The following FSHR variants were observed in gnomAD, a reference collection of about 807,000 sequenced individuals.
The protein encoded by FSHR is follicle-stimulating hormone receptor.
Under a neutral mutation model 52.1 loss-of-function variants are expected in FSHR, and 46 were observed. That is an observed-to-expected ratio of 0.88 (90% CI 0.70 to 1.13). The LOEUF (loss-of-function observed/expected upper bound fraction) is 1.13, where lower values mean the gene tolerates loss of function less well. Ranked by LOEUF, FSHR falls within the 50% of genes most tolerant of loss-of-function variation. The probability of loss-of-function intolerance (pLI) is 0.00; values close to 1 mark genes in which losing one functional copy is unlikely to be tolerated. For synonymous variants in FSHR, 399 were observed against 309.6 expected (o/e 1.29, Z -3.03); for missense variants, 964 against 834.6 (o/e 1.16, Z -1.91).
chr2:49,090,100 T>C (rs777957269), intron 1 of FSHR, among the ~76,000 whole-genome samples: 1 of 151,724 alleles, frequency 6.6e-6, no homozygotes, highest in Non-Finnish European at 1.5e-5. Flanking sequence ...TTTTTTCTTT[T>C]TTAACTAACA....
chr2:49,077,491 T>C (rs1669991356), intron 1 of FSHR, among the ~76,000 whole-genome samples: 1 of 152,184 alleles, frequency 6.6e-6, no homozygotes, highest in Non-Finnish European at 1.5e-5. Flanking sequence ...GCTGTGAAGA[T>C]CTCTAACGTG....
At chr2:49,010,649 A>T (rs1417134218) in intron 4 of FSHR, among the ~76,000 whole-genome samples, 4 of 150,074 alleles carry the variant, frequency 2.7e-5, no homozygotes, top group Non-Finnish European at 5.9e-5. Flanking sequence ...CTGTGAATCC[A>T]TCTGGTCCTG....
At chr2:49,133,274 C>G (rs1056542377) in intron 1 of FSHR, among the ~76,000 whole-genome samples, 14 of 152,180 alleles carry the variant, frequency 9.2e-5, no homozygotes, top group African/African-American at 2.9e-4. Context: ...AAGGCTCTAC[C>G]TTGACCATGA....
intron 4 of FSHR, among the ~76,000 whole-genome samples, chr2:49,001,196 A>G (rs1666869428): frequency 6.6e-6 from 1 of 152,138 alleles, no homozygotes; most frequent in Non-Finnish European, 1.5e-5. Flanking sequence ...CACCATTGTA[A>G]ATGCCTTGCC....
At chr2:49,149,128 T>C (rs562617728) in intron 1 of FSHR, among the ~76,000 whole-genome samples, 1 of 152,104 alleles carries the variant, frequency 6.6e-6, no homozygotes, top group African/African-American at 2.4e-5. Context: ...ATTAGATGGG[T>C]AACCAGAAAA....
At chr2:49,036,841 C>T (rs1668289123) in intron 2 of FSHR, among the ~76,000 whole-genome samples, 1 of 152,182 alleles carries the variant, frequency 6.6e-6, no homozygotes, top group Admixed American at 6.5e-5. Flanking sequence ...AAAGCCTCTC[C>T]AGATCCAGAC....
At chr2:49,078,256 G>GAC (rs1194276526) in intron 1 of FSHR, among the ~76,000 whole-genome samples, 1 of 152,222 alleles carries the variant, frequency 6.6e-6, no homozygotes, top group East Asian at 1.9e-4. Flanking sequence ...GGCAAAGAGA[G>GAC]AGCTTGTGCA....
intron 2 of FSHR, among the ~76,000 whole-genome samples, chr2:49,023,594 T>C (rs1667817567): frequency 6.6e-6 from 1 of 152,212 alleles, no homozygotes; most frequent in Non-Finnish European, 1.5e-5. Context: ...TTTGGTCTGC[T>C]GACCAGATAG....
At chr2:49,113,518 G>C (rs1339832544) in intron 1 of FSHR, among the ~76,000 whole-genome samples, 1 of 152,190 alleles carries the variant, frequency 6.6e-6, no homozygotes, top group African/African-American at 2.4e-5. Flanking sequence ...AGCTCAGCAG[G>C]TTAGGAAACA....
Position 49,017,481 on chromosome 2 carries a change from G to C in FSHR, c.374+8C>G. The C allele has an allele frequency of 6.2e-7, 1 of 1,605,494 alleles. No homozygotes were observed. Among genetic ancestry groups the C allele is most frequent in the Non-Finnish European group, 8.5e-7 (1 of 1,172,516 alleles). ...ATAGTGGGGGTACCAAACTACATGAGTTCTTACAGATATTGAAGGTTGGGA... is the reference window on the plus strand; with the variant it reads ...ATAGTGGGGGTACCAAACTACATGACTTCTTACAGATATTGAAGGTTGGGA... On this transcript the variant is annotated splice_region_variant and intron_variant, in intron 4 of 9. Transcript: ENST00000406846.
chr2:49,012,082 G>C (rs1667297158), intron 4 of FSHR, among the ~76,000 whole-genome samples: 1 of 152,090 alleles, frequency 6.6e-6, no homozygotes, highest in Non-Finnish European at 1.5e-5. Flanking sequence ...CATCTGAGTG[G>C]AAGATGGTTG....
intron 1 of FSHR, among the ~76,000 whole-genome samples, chr2:49,135,534 C>A (rs535590781): frequency 1.7e-3 from 260 of 152,090 alleles, no homozygotes; most frequent in Non-Finnish European, 2.9e-3. Flanking sequence ...AATAACCCAA[C>A]CTTCATCATA....
intron 1 of FSHR, among the ~76,000 whole-genome samples, chr2:49,129,627 G>A (rs1484193563): frequency 1.3e-5 from 2 of 152,118 alleles, no homozygotes; most frequent in East Asian, 3.9e-4. Flanking sequence ...GTAGCATGGT[G>A]TCCATCACTG....
chr2:49,101,330 G>C (rs1671018377), intron 1 of FSHR, among the ~76,000 whole-genome samples: 1 of 152,056 alleles, frequency 6.6e-6, no homozygotes, highest in Admixed American at 6.6e-5. Context: ...TAGGAGAGTA[G>C]GGAAGTATAA....
chr2:48,990,037 G>GGATCT (rs1187967000), intron 5 of FSHR, among the ~76,000 whole-genome samples: 1 of 151,932 alleles, frequency 6.6e-6, no homozygotes, highest in Non-Finnish European at 1.5e-5. Flanking sequence ...TCCTCCTTTT[G>GGATCT]GATCTGTCCA....
At chr2:48,973,246 A>G (rs1397888852) in intron 8 of FSHR, among the ~76,000 whole-genome samples, 1 of 146,456 alleles carries the variant, frequency 6.8e-6, no homozygotes, top group African/African-American at 2.7e-5. Context: ...AGAGTTAGAG[A>G]AGACACCACA....
At chr2:49,122,818 C>T (rs1671865712) in intron 1 of FSHR, among the ~76,000 whole-genome samples, 1 of 152,208 alleles carries the variant, frequency 6.6e-6, no homozygotes, top group African/African-American at 2.4e-5. Flanking sequence ...GGGTTCCATT[C>T]TTGGCCTTGC....
chr2:48,986,058 T>A (rs1016015731), intron 6 of FSHR, among the ~76,000 whole-genome samples: 2 of 152,188 alleles, frequency 1.3e-5, no homozygotes, highest in Admixed American at 6.5e-5. Context: ...GTCATGGGGT[T>A]TGGTGGACAA....
intron 4 of FSHR, among the ~76,000 whole-genome samples, chr2:48,998,785 C>A (rs980861586): frequency 6.6e-6 from 1 of 151,716 alleles, no homozygotes; most frequent in Non-Finnish European, 1.5e-5. Context: ...AAAGCATATT[C>A]CATGAAAATG....
Sources: gnomAD v4.1 joint callset for allele counts (sites outside exome capture counted in the v4.1 genomes callset) on GRCh38, gnomAD v4.1.1 for gene constraint, MANE v1.5 for transcripts, NCBI Gene and HGNC (gene_info 2026-07-23, HGNC 2026-07-21) for gene names.